The following POGK variants were observed in gnomAD, a reference collection of about 807,000 sequenced individuals.
The protein encoded by POGK is pogo transposable element derived with KRAB domain.
In POGK, 16 loss-of-function variants were observed where a neutral mutation model predicts 54.4. The observed-to-expected ratio is 0.29, with a 90% CI of 0.20 to 0.45. The LOEUF (loss-of-function observed/expected upper bound fraction) is 0.45, where lower values mean the gene tolerates loss of function less well. Ranked by LOEUF, POGK falls within the 20% of genes least tolerant of loss-of-function variation. POGK has a pLI of 1.00. For synonymous variants in POGK, 271 were observed against 302.2 expected (o/e 0.90, Z 1.07); for missense variants, 515 against 795.6 (o/e 0.65, Z 4.24).
rs765765851 is a variant in POGK at position 166,849,889 on chromosome 1, G to T, written c.1310G>T (p.Arg437Leu). Reference protein sequence around the residue: ...FPSGMEIRCHRYGWMTEDLMQ... With the variant: ...FPSGMEIRCHLYGWMTEDLMQ... ...AGTGGGATGGAAATTCGCTGCCACC[G>T]GTATGGGTGGATGACTGAAGACTTG... The change falls in exon 5 of 6, where the codon CGG becomes CTG. Residue 437 changes from arginine (R) to leucine (L), a missense_variant. By Grantham distance (102) the Arg-to-Leu change is moderately radical (BLOSUM62 -2). Transcript: ENST00000367876. 1 of 1,614,242 alleles carries T rather than the reference G, an allele frequency of 6.2e-7. No individual in the cohort carries two copies. Among genetic ancestry groups the T allele is most frequent in the Non-Finnish European group, 8.5e-7 (1 of 1,180,044 alleles).
rs1182297493 is a variant in POGK, at chr1:166,856,345, A to G, written c.*3775A>G. On this transcript the variant is annotated 3_prime_UTR_variant, in exon 6 of 6. Coordinates refer to ENST00000367876, the MANE Select transcript of POGK (RefSeq NM_017542.5). ...TGAGACCCTATCTCAAAAAGAAAAGAAAAAAAAAAAAAAAGAAATGGCATA... is the reference window on the plus strand; with the variant it reads ...TGAGACCCTATCTCAAAAAGAAAAGGAAAAAAAAAAAAAAGAAATGGCATA... 1.8e-5 allele frequency: 1 copy of G among 56,138 alleles called. No homozygotes were observed. The highest frequency in any genetic ancestry group is 4.0e-5 in the Non-Finnish European group (1 of 24,756). 3.5% of individuals were successfully genotyped at this position (56,138 alleles called of 1,614,324 possible).
intron 1 of POGK, chr1:166,840,026 C>G (rs1432178064): frequency 6.6e-6 from 1 of 152,168 alleles, no homozygotes; most frequent in Non-Finnish European, 1.5e-5. Context: ...CCGCCAAGTT[C>G]GGGCCCCAGC....
chr1:166,849,066 G>A lies in POGK; in HGVS notation c.487G>A (p.Glu163Lys), dbSNP rs140373616. The A allele has an allele frequency of 3.7e-6, 6 of 1,614,040 alleles. No individual in the cohort carries two copies. The African/African-American group carries it at 4.0e-5, about 11-fold the overall frequency. ...RLPRDITELP[E>K]WSEGYPFYMA... ...GCCTCGGGATATCACAGAGCTGCCCGAGTGGAGTGAGGGGTACCCCTTCTA... is the reference window on the plus strand; with the variant it reads ...GCCTCGGGATATCACAGAGCTGCCCAAGTGGAGTGAGGGGTACCCCTTCTA... The change falls in exon 5 of 6, where the codon GAG becomes AAG. Residue 163 changes from glutamate (E) to lysine (K), a missense_variant. Glu to Lys is a moderately conservative substitution (Grantham distance 56, BLOSUM62 1). This residue lies in a region of POGK where 461 missense variants were observed against 743.5 expected (regional missense o/e 0.62). Coordinates refer to ENST00000367876, the MANE Select transcript of POGK (RefSeq NM_017542.5).
chr1:166,841,088 G>A lies in POGK; in HGVS notation c.132G>A (p.Trp44Ter). ...TACGAATCTGCTCTGAGGGCGGATGGGTAAGTAAGAAGGTGTGGAGTCCAC... is the reference window on the plus strand; with the variant it reads ...TACGAATCTGCTCTGAGGGCGGATGAGTAAGTAAGAAGGTGTGGAGTCCAC... ...QKVRICSEGGWVPALFDEVAI... is the reference protein window; with the variant it reads ...QKVRICSEGG Residue 44 changes from tryptophan to a stop codon, truncating the protein, a stop_gained and splice_region_variant, in exon 2 of 6, where the codon TGG becomes TGA. Transcript: ENST00000367876. LOFTEE classifies it high-confidence loss of function. 1 of 1,613,554 alleles carries A rather than the reference G, an allele frequency of 6.2e-7. No individual in the cohort carries two copies. The highest frequency in any genetic ancestry group is 8.5e-7 in the Non-Finnish European group (1 of 1,179,884).
chr1:166,847,371 CT>C (rs1432246436), intron 3 of POGK, 122 bp from the exon 4 acceptor site: 65 of 703,420 alleles, frequency 9.2e-5, no homozygotes, highest in African/African-American at 1.4e-4. Context: ...ATCCCTGAGC[CT>C]TTTTCCCCTT....
chr1:166,842,263 A>AC (rs1456723381), intron 2 of POGK, among the ~76,000 whole-genome samples: 1 of 152,190 alleles, frequency 6.6e-6, no homozygotes, highest in Non-Finnish European at 1.5e-5. Flanking sequence ...GAATGTTGGG[A>AC]CAGTGAGGAA....
chr1:166,844,921 G>A (rs1339871743), intron 2 of POGK, among the ~76,000 whole-genome samples: 1 of 152,154 alleles, frequency 6.6e-6, no homozygotes, highest in Non-Finnish European at 1.5e-5. Flanking sequence ...AAGATGGGTG[G>A]GTGTCAGCCA....
intron 3 of POGK, 129 bp downstream of exon 3, chr1:166,846,867 C>A: frequency 8.0e-7 from 1 of 1,254,166 alleles, no homozygotes; most frequent in Non-Finnish European, 1.1e-6. Flanking sequence ...ATGTCTGTGC[C>A]CATTTATTCC....
chr1:166,851,205 T>A (rs570962321), intron 5 of POGK: 1 of 152,370 alleles, frequency 6.6e-6, no homozygotes, highest in African/African-American at 2.4e-5. Context: ...TCACTTTTGC[T>A]GGCCTGTAGG....
At chr1:166,848,796 A>G (rs1179381234) in intron 4 of POGK, 142 bp from the exon 5 acceptor site, 3 of 1,130,598 alleles carry the variant, frequency 2.7e-6, no homozygotes, top group Non-Finnish European at 1.3e-6. Context: ...AAAAGGACTT[A>G]GGCAATGTTA....
chr1:166,841,126 T>G (rs751433024), intron 2 of POGK, 38 bp downstream of exon 2: 4 of 1,607,682 alleles, frequency 2.5e-6, no homozygotes, highest in Non-Finnish European at 8.5e-7. Flanking sequence ...AGCCAGCAGA[T>G]GCAGGCCTGA....
At chr1:166,846,767 G>A (rs1657866065) in intron 3 of POGK, 29 bp downstream of exon 3, 1 of 1,613,278 alleles carries the variant, frequency 6.2e-7, no homozygotes, top group Non-Finnish European at 8.5e-7. Context: ...TTGTCTCCTG[G>A]AAGCTCTGAG....
chr1:166,850,816 T>G, intron 5 of POGK: 1 of 159,290 alleles, frequency 6.3e-6, no homozygotes, highest in African/African-American at 2.4e-5. Context: ...TACCCCGCAC[T>G]TCCTGGGTCC....
chr1:166,854,475 G>A lies in POGK; in HGVS notation c.*1905G>A, dbSNP rs1256553257. On this transcript the variant is annotated 3_prime_UTR_variant, in exon 6 of 6. Coordinates refer to ENST00000367876, the MANE Select transcript of POGK (RefSeq NM_017542.5). ...TAAACTTTGATAATAAAGACAATAG[G>A]CTATGGTGATTTTATTTCTTTACCT... The A allele has an allele frequency of 2.2e-5, 3 of 136,928 alleles. No individual in the cohort carries two copies. The allele number at this position is 136,928 out of a possible 1,614,324, so 8.5% of individuals were successfully genotyped here. A position where few individuals can be genotyped will look rare whatever the true frequency, so the allele number is the denominator to read the frequency against.
chr1:166,846,603 C>T lies in POGK; in HGVS notation c.133-9C>T, dbSNP rs1657858985. ...TTTGTCATTGTGAAAGGGCTGTTCA[C>T]TCTTCCAGGTACCGGCCCTATTTGA... is the stretch of plus-strand genomic sequence containing the variant. On this transcript the variant is annotated splice_polypyrimidine_tract_variant and intron_variant, in intron 2 of 5. Coordinates refer to ENST00000367876, the MANE Select transcript of POGK (RefSeq NM_017542.5). The T allele has an allele frequency of 1.9e-6, 3 of 1,614,090 alleles. No homozygotes were observed. In the Admixed American group the frequency reaches 5.0e-5, roughly 27 times the overall value.
intron 2 of POGK, among the ~76,000 whole-genome samples, 196 bp downstream of exon 2, chr1:166,841,284 C>T (rs543975861): frequency 1.3e-5 from 2 of 152,332 alleles, no homozygotes; most frequent in South Asian, 4.1e-4. Context: ...AACAGTCCCT[C>T]AGCCATGTAG....
In POGK at chr1:166,849,065, C is replaced by T. The variant is rs764695456; in HGVS notation, c.486C>T (p.Pro162=). ...LRLPRDITEL[P]EWSEGYPFYM... is the part of the protein sequence containing the mutation. ...TGCCTCGGGATATCACAGAGCTGCC[C>T]GAGTGGAGTGAGGGGTACCCCTTCT... Residue 162 remains proline (P), a synonymous_variant, in exon 5 of 6, where the codon CCC becomes CCT. Transcript: ENST00000367876. 1.1e-5 allele frequency: 17 copies of T among 1,614,166 alleles called. No homozygotes were observed. Among genetic ancestry groups the T allele is most frequent in the Non-Finnish European group, 1.4e-5 (16 of 1,180,046 alleles).
chr1:166,853,737 C>G lies in POGK; in HGVS notation c.*1167C>G, dbSNP rs1406365879. 1 of 152,648 alleles carries G rather than the reference C, an allele frequency of 6.6e-6. No individual in the cohort carries two copies. Among genetic ancestry groups the G allele is most frequent in the Non-Finnish European group, 1.5e-5 (1 of 68,060 alleles). 9.5% of individuals were successfully genotyped at this position (152,648 alleles called of 1,614,324 possible). A position where few individuals can be genotyped will look rare whatever the true frequency, so the allele number is the denominator to read the frequency against. On this transcript the variant is annotated 3_prime_UTR_variant, in exon 6 of 6. Transcript: ENST00000367876. Reference sequence around the variant, plus strand: ...AGATCTGGAAACAGGCTGCCATAACCACTTTTCCTTCTTGTAGACTCAGCT... The same window carrying G: ...AGATCTGGAAACAGGCTGCCATAACGACTTTTCCTTCTTGTAGACTCAGCT...
In POGK at chr1:166,854,588, A is replaced by T. The variant is rs1228841214; in HGVS notation, c.*2018A>T. ...TACCAATATATTACATCTTTCAGTC[A>T]AAAAGTGTTCATGAGATGCAGTGTA... is the stretch of plus-strand genomic sequence containing the variant. On this transcript the variant is annotated 3_prime_UTR_variant, in exon 6 of 6. Coordinates refer to ENST00000367876, the MANE Select transcript of POGK (RefSeq NM_017542.5). The T allele has an allele frequency of 1.3e-5, 2 of 152,242 alleles. No homozygotes were observed. The highest frequency in any genetic ancestry group is 2.9e-5 in the Non-Finnish European group (2 of 68,034). The allele number at this position is 152,242 out of a possible 1,614,324, so 9.4% of individuals were successfully genotyped here.
Sources: gnomAD v4.1 joint callset for allele counts (sites outside exome capture counted in the v4.1 genomes callset) on GRCh38, gnomAD v4.1.1 for gene constraint, gnomAD v4.1.1 regional missense constraint, MANE v1.5 for transcripts, NCBI Gene and HGNC (gene_info 2026-07-23, HGNC 2026-07-21) for gene names.